SNRPG: variants seen among roughly 807,000 people sequenced by gnomAD.
SNRPG encodes small nuclear ribonucleoprotein polypeptide G.
In SNRPG, 3 loss-of-function variants were observed where a neutral mutation model predicts 13.9. The ratio of observed to expected loss-of-function variants is 0.22; its 90% CI spans 0.10 to 0.56. SNRPG has a LOEUF of 0.56. Ranked by LOEUF, SNRPG falls within the 20% of genes least tolerant of loss-of-function variation. The pLI is 0.93. For missense variants in SNRPG, 34 were observed against 96.1 expected (o/e 0.35, Z 2.70); for synonymous variants, 29 against 29.3 (o/e 0.99, Z 0.03).
At position 70,288,681 on chromosome 2, in the gene SNRPG, T is replaced by C. The variant is rs371213560; in HGVS notation, c.56-489A>G. Among the ~76,000 whole-genome samples the C allele has an allele frequency of 4.6e-5, 7 of 152,330 alleles. 1 individual carries two copies. On this transcript the variant is annotated intron_variant, in intron 2 of 3. Transcript: ENST00000272348. ...CCCTACATATATTTCAAGTACTGTG[T>C]GGGTCAGATTTTTAGATAAATTGAA...
chr2:70,290,761 G>A (rs1697064490), intron 1 of SNRPG, among the ~76,000 whole-genome samples: 1 of 146,358 alleles, frequency 6.8e-6, no homozygotes, highest in African/African-American at 2.6e-5. Flanking sequence ...CAAGGCGGGC[G>A]GATCACCTGA....
At chr2:70,281,766 C>T in intron 3 of SNRPG, 82 bp from the exon 4 acceptor site, 1 of 748,656 alleles carries the variant, frequency 1.3e-6, no homozygotes, top group Non-Finnish European at 2.3e-6. Context: ...TTCACCAAAT[C>T]ATTAATGGTT....
intron 1 of SNRPG, among the ~76,000 whole-genome samples, chr2:70,290,406 G>A (rs1244759804): frequency 1.3e-5 from 2 of 150,860 alleles, no homozygotes; most frequent in South Asian, 2.1e-4. Flanking sequence ...AACTTCAAAC[G>A]ATATGAATTA....
At chr2:70,287,653 C>G (rs943752155) in intron 3 of SNRPG, among the ~76,000 whole-genome samples, 15 of 152,208 alleles carry the variant, frequency 9.9e-5, no homozygotes, top group African/African-American at 3.6e-4. Context: ...ACTGGCAGAT[C>G]TGCATTAGGC....
chr2:70,292,271 C>A (rs1697120036), intron 1 of SNRPG, among the ~76,000 whole-genome samples: 2 of 151,916 alleles, frequency 1.3e-5, no homozygotes, highest in Admixed American at 1.3e-4. Flanking sequence ...AATTCCTTAA[C>A]AGACCTAACT....
chr2:70,283,096 C>CAAAAAAAAAAAAAAAAAAAAA (rs57862220), intron 3 of SNRPG, among the ~76,000 whole-genome samples: 11 of 14,038 alleles, frequency 7.8e-4, no homozygotes, highest in African/African-American at 2.4e-3. Context: ...TGTCTTTTGT[C>CAAAAAAAAAAAAAAAAAAAAA]AAAAAAAAAA....
Position 70,293,451 on chromosome 2 carries a change from G to C in SNRPG, c.32+167C>G, listed in dbSNP as rs2104928989. ...CACACCGACGCGCGAGCTCTGCGCG[G>C]GCTTCACGTCTCATGCGCGGGAGCC... On this transcript the variant is annotated intron_variant, in intron 1 of 3. Coordinates refer to ENST00000272348, the MANE Select transcript of SNRPG (RefSeq NM_003096.4). 4 of 723,402 alleles carry C rather than the reference G, an allele frequency of 5.5e-6. No individual in the cohort carries two copies. In the East Asian group the frequency reaches 1.0e-4, roughly 18 times the overall value. 44.8% of individuals were successfully genotyped at this position (723,402 alleles called of 1,614,324 possible).
intron 1 of SNRPG, among the ~76,000 whole-genome samples, chr2:70,291,023 AC>A (rs1697078806): frequency 9.3e-6 from 1 of 108,058 alleles, no homozygotes. Context: ...AAACACACAC[AC>A]ACACACACAC....
At chr2:70,290,188 G>C (rs1270055993) in intron 1 of SNRPG, among the ~76,000 whole-genome samples, 2 of 151,690 alleles carry the variant, frequency 1.3e-5, no homozygotes, top group African/African-American at 2.4e-5. Flanking sequence ...ATAGTCACAA[G>C]AGAAAAACAA....
chr2:70,290,921 G>A (rs13035953), intron 1 of SNRPG, among the ~76,000 whole-genome samples: 1 of 145,398 alleles, frequency 6.9e-6, no homozygotes, highest in Non-Finnish European at 1.5e-5. Context: ...TGAGGCAGGA[G>A]AATCGCTTGA....
intron 1 of SNRPG, among the ~76,000 whole-genome samples, chr2:70,290,004 C>CTTTT (rs56861344): frequency 7.6e-6 from 1 of 130,912 alleles, no homozygotes; most frequent in Non-Finnish European, 1.7e-5. Flanking sequence ...AAATTTCTTT[C>CTTTT]TTTTTTTTTT....
intron 1 of SNRPG, among the ~76,000 whole-genome samples, chr2:70,291,063 A>G (rs1158610266): frequency 6.6e-6 from 1 of 151,140 alleles, no homozygotes; most frequent in African/African-American, 2.4e-5. Flanking sequence ...ACACACATAT[A>G]TGAAGTAAAC....
chr2:70,287,352 G>T (rs114478765), intron 3 of SNRPG: 1 of 702,556 alleles, frequency 1.4e-6, no homozygotes, highest in Admixed American at 2.0e-5. Flanking sequence ...TGGGCTTACC[G>T]CTTTATTAGG....
intron 1 of SNRPG, 144 bp downstream of exon 1, chr2:70,293,474 G>C: frequency 1.2e-6 from 1 of 801,864 alleles, no homozygotes; most frequent in Non-Finnish European, 2.2e-6. Context: ...ATGCGCGGGA[G>C]CCTGGCCGGG....
chr2:70,291,014 A>AAAAC (rs376564500), intron 1 of SNRPG, among the ~76,000 whole-genome samples: 2 of 133,584 alleles, frequency 1.5e-5, no homozygotes, highest in African/African-American at 5.7e-5. Context: ...TCCATCTCAA[A>AAAAC]ACACACACAC....
chr2:70,292,513 A>AT (rs948443600), intron 1 of SNRPG, among the ~76,000 whole-genome samples: 13 of 151,682 alleles, frequency 8.6e-5, no homozygotes, highest in African/African-American at 2.7e-4. Context: ...TGCCTGGCTA[A>AT]TTTTTTGTAT....
chr2:70,291,415 A>C (rs1697093293), intron 1 of SNRPG: 1 of 152,264 alleles, frequency 6.6e-6, no homozygotes, highest in South Asian at 2.1e-4. Flanking sequence ...AAGTGGAAGG[A>C]AGAATTCAGT....
intron 1 of SNRPG, among the ~76,000 whole-genome samples, chr2:70,289,802 CTG>C (rs1434285554): frequency 6.6e-6 from 1 of 151,944 alleles, no homozygotes; most frequent in East Asian, 1.9e-4. Context: ...TAGAGCGAAA[CTG>C]TCTCAGGGGA....
chr2:70,283,526 T>C (rs985557387), intron 3 of SNRPG, among the ~76,000 whole-genome samples: 6 of 152,236 alleles, frequency 3.9e-5, no homozygotes, highest in Non-Finnish European at 8.8e-5. Flanking sequence ...CTATGATTTA[T>C]TGTGTTCTCC....
Sources: allele counts gnomAD v4.1 joint callset (sites outside exome capture counted in the v4.1 genomes callset), GRCh38; gene constraint gnomAD v4.1.1; transcripts MANE v1.5; gene names NCBI Gene and HGNC (gene_info 2026-07-23, HGNC 2026-07-21).